The following GLRA2 variants were observed in gnomAD, a reference collection of about 807,000 sequenced individuals.
The protein encoded by GLRA2 is glycine receptor subunit alpha-2.
A neutral mutation model predicts 31.6 loss-of-function variants in GLRA2; 11 were observed. The observed-to-expected ratio is 0.35, with a 90% CI of 0.22 to 0.58. The LOEUF (loss-of-function observed/expected upper bound fraction) is 0.58, where lower values mean the gene tolerates loss of function less well. Among genes scored for constraint, GLRA2 ranks in the 20% least tolerant of loss-of-function variants. The probability of loss-of-function intolerance (pLI) is 0.84; values close to 1 mark genes in which losing one functional copy is unlikely to be tolerated. For missense variants in GLRA2, 212 were observed against 351.8 expected (o/e 0.60, Z 3.18); for synonymous variants, 132 against 134.0 (o/e 0.99, Z 0.10).
rs778849521 is a variant in GLRA2 at position 14,585,144 on chromosome X, A to T, written c.494+3738A>T. ...GAGTATTTTCTGAAATCAAAATAAAAAACCTTGGTAAAGGAGAATTGGGGA... is the reference window on the plus strand; with the variant it reads ...GAGTATTTTCTGAAATCAAAATAAATAACCTTGGTAAAGGAGAATTGGGGA... On this transcript the variant is annotated intron_variant, in intron 4 of 8. Coordinates refer to ENST00000218075, the MANE Select transcript of GLRA2 (RefSeq NM_002063.4). Among the ~76,000 whole-genome samples, 150 of 111,694 alleles carry T rather than the reference A, an allele frequency of 1.3e-3. 1 individual carries two copies. Among genetic ancestry groups the T allele is most frequent in the Non-Finnish European group, 2.4e-3 (129 of 53,171 alleles).
the GLRA2 span, among the ~76,000 whole-genome samples, chrX:14,485,308 C>T: frequency 1.2e-3 from 132 of 112,406 alleles, no homozygotes; most frequent in Middle Eastern, 4.6e-3. Flanking sequence ...ATTTATTAAA[C>T]GTATACATAT....
upstream of GLRA2, among the ~76,000 whole-genome samples, chrX:14,526,370 G>T (rs1420423177): frequency 1.8e-5 from 2 of 112,378 alleles, no homozygotes; most frequent in South Asian, 3.7e-4. Flanking sequence ...TTAACCAGGG[G>T]CTGTGACATA....
intron 7 of GLRA2, among the ~76,000 whole-genome samples, chrX:14,668,357 T>C (rs750580734): frequency 4.5e-5 from 5 of 112,014 alleles, no homozygotes; most frequent in African/African-American, 1.6e-4. Context: ...GGTCAGCCCA[T>C]AGTCAAGGGG....
intron 2 of GLRA2, among the ~76,000 whole-genome samples, chrX:14,562,486 G>A (rs1183594939): frequency 9.0e-6 from 1 of 111,645 alleles, no homozygotes; most frequent in Non-Finnish European, 1.9e-5. Flanking sequence ...CTTTCTATAG[G>A]CTACCAGAAG....
chrX:14,493,534 C>CAT, the GLRA2 span, among the ~76,000 whole-genome samples: 1 of 104,524 alleles, frequency 9.6e-6, no homozygotes, highest in Non-Finnish European at 1.9e-5. Flanking sequence ...CATATATACA[C>CAT]ATATATATAC....
chrX:14,638,112 T>C (rs1017172054), intron 7 of GLRA2, among the ~76,000 whole-genome samples: 7 of 111,341 alleles, frequency 6.3e-5, no homozygotes, highest in Non-Finnish European at 1.3e-4. Context: ...AAAAGGGTTA[T>C]TGAAATGGCA....
the GLRA2 span, among the ~76,000 whole-genome samples, chrX:14,475,442 CAT>C: frequency 2.7e-5 from 3 of 111,977 alleles, no homozygotes; most frequent in Admixed American, 9.5e-5. Context: ...ACCCTAGAAA[CAT>C]ATAGATCTAC....
At chrX:14,470,416 T>C in the GLRA2 span, among the ~76,000 whole-genome samples, 2 of 111,841 alleles carry the variant, frequency 1.8e-5, no homozygotes, top group African/African-American at 6.5e-5. Flanking sequence ...CCAAGCATAA[T>C]TTATGATGAT....
the GLRA2 span, among the ~76,000 whole-genome samples, chrX:14,518,261 C>T: frequency 8.9e-6 from 1 of 111,962 alleles, no homozygotes; most frequent in East Asian, 2.8e-4. Context: ...AACCTTTTTA[C>T]ATTATGGCAA....
intron 4 of GLRA2, among the ~76,000 whole-genome samples, chrX:14,582,588 T>C (rs1244279987): frequency 3.6e-5 from 4 of 111,613 alleles, no homozygotes; most frequent in Middle Eastern, 4.6e-3. Flanking sequence ...GAGTATAGCA[T>C]AAAAACATGG....
rs916190092 is a variant in GLRA2, at chrX:14,730,782, C to G, written c.*297C>G. On this transcript the variant is annotated 3_prime_UTR_variant, in exon 9 of 9. Coordinates refer to ENST00000218075, the MANE Select transcript of GLRA2 (RefSeq NM_002063.4). ...ATGCGCAACATTCAGACATGATATG[C>G]GCATCATTCAGACATGATATGCGGG... The G allele has an allele frequency of 1.6e-4, 42 of 255,665 alleles. No individual in the cohort carries two copies. Among genetic ancestry groups the G allele is most frequent in the Admixed American group, 8.6e-4 (15 of 17,541 alleles). 21.1% of individuals were successfully genotyped at this position (255,665 alleles called of 1,213,427 possible).
chrX:14,581,671 G>A (rs1214381388), intron 4 of GLRA2, among the ~76,000 whole-genome samples: 1 of 110,072 alleles, frequency 9.1e-6, no homozygotes, highest in Non-Finnish European at 1.9e-5. Context: ...GATTGCTTCA[G>A]TAAAGGAAGT....
At chrX:14,633,374 A>G (rs1476395967) in intron 7 of GLRA2, among the ~76,000 whole-genome samples, 1 of 111,493 alleles carries the variant, frequency 9.0e-6, no homozygotes, top group Admixed American at 9.5e-5. Context: ...GAACACCTGT[A>G]GTCTCAGCTA....
chrX:14,723,167 C>T (rs1030058518), intron 8 of GLRA2, among the ~76,000 whole-genome samples: 4 of 111,966 alleles, frequency 3.6e-5, no homozygotes, highest in African/African-American at 1.3e-4. Context: ...TGTATCTATT[C>T]GAATGTCTCA....
intron 8 of GLRA2, among the ~76,000 whole-genome samples, chrX:14,692,789 A>C (rs991126353): frequency 4.5e-5 from 5 of 112,038 alleles, no homozygotes; most frequent in Admixed American, 1.9e-4. Context: ...AATTTTTGAA[A>C]TGCTGTGTGA....
At chrX:14,694,811 G>A (rs997758003) in intron 8 of GLRA2, among the ~76,000 whole-genome samples, 2 of 112,355 alleles carry the variant, frequency 1.8e-5, no homozygotes, top group East Asian at 5.6e-4. Context: ...TGCTTTGGAG[G>A]TAAAACCAAT....
At chrX:14,568,822 C>T (rs2089845444) in intron 2 of GLRA2, among the ~76,000 whole-genome samples, 1 of 111,859 alleles carries the variant, frequency 8.9e-6, no homozygotes, top group Admixed American at 9.4e-5. Flanking sequence ...AATCAATTAC[C>T]TAAATGTAAG....
chrX:14,645,903 CA>C (rs2090825691), intron 7 of GLRA2, among the ~76,000 whole-genome samples: 1 of 111,789 alleles, frequency 8.9e-6, no homozygotes, highest in South Asian at 3.7e-4. Context: ...ATTTAGTCTA[CA>C]AAAAATTAGC....
At chrX:14,628,595 T>G (rs1205340838) in intron 7 of GLRA2, among the ~76,000 whole-genome samples, 1 of 112,074 alleles carries the variant, frequency 8.9e-6, no homozygotes, top group Admixed American at 9.5e-5. Context: ...TTTTCCAGTT[T>G]TCCCAAGGAA....
Sources: allele counts gnomAD v4.1 joint callset (sites outside exome capture counted in the v4.1 genomes callset), GRCh38; gene constraint gnomAD v4.1.1; transcripts MANE v1.5; gene names NCBI Gene and HGNC (gene_info 2026-07-23, HGNC 2026-07-21).